RAPGEF5: variants seen among roughly 807,000 people sequenced by gnomAD.
RAPGEF5 encodes the protein M-Ras-regulated GEF.
Under a neutral mutation model 125.2 loss-of-function variants are expected in RAPGEF5, and 65 were observed. The ratio of observed to expected loss-of-function variants is 0.52; its 90% CI spans 0.43 to 0.64. The LOEUF is 0.64. Among genes scored for constraint, RAPGEF5 ranks in the 30% least tolerant of loss-of-function variants. The pLI is 0.00. For synonymous variants in RAPGEF5, 391 were observed against 385.9 expected, an observed-to-expected ratio of 1.01 and a Z score of -0.16; for missense variants, 958 against 1,048.1, an observed-to-expected ratio of 0.91 and a Z score of 1.19.
chr7:22,126,654 C>A (rs536968775), intron 24 of RAPGEF5, among the ~76,000 whole-genome samples: 3 of 152,268 alleles, frequency 2.0e-5, no homozygotes, highest in Non-Finnish European at 4.4e-5. Context: ...TGCTCTGTCA[C>A]CCAGGCTGGA....
rs1298453313 is a variant in RAPGEF5 at position 22,119,742 on chromosome 7, T to C, written c.*2664A>G. ...ATTTGCAGAGTGAGCGAAGATTTTA[T>C]GCAATAATAAAACTCCAAATGAGAG... On this transcript the variant is annotated 3_prime_UTR_variant, in exon 26 of 26. Coordinates refer to ENST00000665637, the MANE Select transcript of RAPGEF5 (RefSeq NM_012294.5). The surrounding 1 kb of genome is among the most constrained non-coding windows in gnomAD (Gnocchi z 4.1). 6.6e-6 allele frequency: 1 copy of C among 152,216 alleles called. No homozygotes were observed. The highest frequency in any genetic ancestry group is 2.4e-5 in the African/African-American group (1 of 41,452). 9.4% of individuals were successfully genotyped at this position (152,216 alleles called of 1,614,324 possible). A position where few individuals can be genotyped will look rare whatever the true frequency, so the allele number is the denominator to read the frequency against.
intron 1 of RAPGEF5, chr7:22,356,260 G>C (rs1784417661): frequency 1.0e-6 from 1 of 985,286 alleles, no homozygotes; most frequent in Non-Finnish European, 1.2e-6. Flanking sequence ...TCCTGCTCAA[G>C]AGGGTGTCCA....
rs552501343 is a variant in RAPGEF5 at position 22,265,678 on chromosome 7, A to G, written c.796+1286T>C. 5.8e-3 allele frequency among the ~76,000 whole-genome samples: 675 copies of G among 117,262 alleles called. 8 individuals are homozygous for G. The highest frequency in any genetic ancestry group is 0.023 in the African/African-American group (652 of 28,758). 76.9% of individuals were successfully genotyped at this position (117,262 alleles called of 152,430 possible). On this transcript the variant is annotated intron_variant, in intron 7 of 25. Coordinates refer to ENST00000665637, the MANE Select transcript of RAPGEF5 (RefSeq NM_012294.5). Reference sequence around the variant, plus strand: ...ACTGTTTCCCATAGTGGCTGTACTAATTTAACATTCCCACCAACAGTTTAT... The same window carrying G: ...ACTGTTTCCCATAGTGGCTGTACTAGTTTAACATTCCCACCAACAGTTTAT...
At chr7:22,136,197 T>C (rs1783075555) in intron 22 of RAPGEF5, 72 bp from the exon 23 acceptor site, 1 of 1,145,864 alleles carries the variant, frequency 8.7e-7, no homozygotes, top group Non-Finnish European at 1.3e-6. Context: ...AATCCACCTT[T>C]GCTACACAAT....
chr7:22,241,069 A>G (rs895163758), intron 7 of RAPGEF5, among the ~76,000 whole-genome samples: 1 of 152,294 alleles, frequency 6.6e-6, no homozygotes, highest in South Asian at 2.1e-4. Flanking sequence ...ACTGAACCTG[A>G]GTCTTTTGAT....
intron 6 of RAPGEF5, among the ~76,000 whole-genome samples, chr7:22,285,202 C>T (rs1211009595): frequency 6.6e-6 from 1 of 152,094 alleles, no homozygotes; most frequent in East Asian, 1.9e-4. Flanking sequence ...ATATTGCTAG[C>T]CTAGGAAAAA....
chr7:22,269,890 C>T (rs2528913), intron 6 of RAPGEF5, among the ~76,000 whole-genome samples: 34,225 of 151,998 alleles, frequency 0.23, 4,372 homozygotes, highest in African/African-American at 0.35. Flanking sequence ...CAACTCCTAA[C>T]ATGTGGGGGA....
intron 1 of RAPGEF5, among the ~76,000 whole-genome samples, chr7:22,324,711 C>A (rs929819515): frequency 6.6e-6 from 1 of 152,108 alleles, no homozygotes; most frequent in Non-Finnish European, 1.5e-5. Flanking sequence ...AAAGCTGCAC[C>A]GCCCCTCCAT....
rs114752558 is a variant in RAPGEF5, at chr7:22,314,779, G to T, written c.389+591C>A. The stretch of plus-strand genomic sequence containing the variant: ...TTACTTTTGGTTTTTTCTTTAAATT[G>T]TTCCATAAAATGAAAACATGCACAT... On this transcript the variant is annotated intron_variant, in intron 3 of 25. Coordinates refer to ENST00000665637, the MANE Select transcript of RAPGEF5 (RefSeq NM_012294.5). 2.1e-3 allele frequency: 677 copies of T among 322,170 alleles called. 6 individuals are homozygous for T. Among genetic ancestry groups the T allele is most frequent in the African/African-American group, 0.014 (630 of 44,488 alleles). 20.0% of individuals were successfully genotyped at this position (322,170 alleles called of 1,614,324 possible).
intron 24 of RAPGEF5, among the ~76,000 whole-genome samples, chr7:22,130,409 T>C (rs1270002287): frequency 2.0e-5 from 3 of 152,150 alleles, no homozygotes; most frequent in African/African-American, 7.2e-5. Flanking sequence ...CAGAAACATT[T>C]AGAGAGGATT....
At chr7:22,199,689 G>A (rs949407930) in intron 9 of RAPGEF5, among the ~76,000 whole-genome samples, 4 of 152,002 alleles carry the variant, frequency 2.6e-5, no homozygotes, top group African/African-American at 4.8e-5. Context: ...TGGAAGGTCC[G>A]AGAAAGAAGA....
chr7:22,236,443 T>C (rs569177183), intron 7 of RAPGEF5, among the ~76,000 whole-genome samples: 1 of 152,304 alleles, frequency 6.6e-6, no homozygotes, highest in Admixed American at 6.5e-5. Flanking sequence ...GAAAGAGTAA[T>C]TGATTTAATA....
intron 24 of RAPGEF5, 197 bp downstream of exon 24, chr7:22,130,837 CTTG>C (rs965581811): frequency 1.8e-5 from 12 of 670,702 alleles, no homozygotes; most frequent in South Asian, 9.6e-5. Context: ...TGCTAACATA[CTTG>C]TTGTTAATTG....
chr7:22,318,439 G>A (rs1461597853), intron 1 of RAPGEF5, among the ~76,000 whole-genome samples: 1 of 151,990 alleles, frequency 6.6e-6, no homozygotes, highest in African/African-American at 2.4e-5. Flanking sequence ...TGCTCTCTAG[G>A]TCACATCCCC....
chr7:22,231,269 A>ATT lies in RAPGEF5; in HGVS notation c.797-352_797-351dup, dbSNP rs548107366. 1.1e-4 allele frequency among the ~76,000 whole-genome samples: 16 copies of ATT among 150,974 alleles called. No individual in the cohort carries two copies. In the South Asian group the frequency reaches 2.5e-3, roughly 24 times the overall value. ...TCATTTCATATAAGAACAGCCATAT[A>ATT]TTTTTTTTAATGTGGCTTTCTGGCT... On this transcript the variant is annotated intron_variant, in intron 7 of 25. Transcript: ENST00000665637.
chr7:22,346,370 T>C (rs142518223), intron 1 of RAPGEF5, among the ~76,000 whole-genome samples: 1 of 152,210 alleles, frequency 6.6e-6, no homozygotes, highest in Non-Finnish European at 1.5e-5. Flanking sequence ...GTTATTATTA[T>C]ATCCTCTTCT....
intron 1 of RAPGEF5, among the ~76,000 whole-genome samples, chr7:22,338,049 T>C (rs1784057759): frequency 1.3e-5 from 2 of 152,356 alleles, no homozygotes; most frequent in East Asian, 1.9e-4. Context: ...AGTAGCATAA[T>C]TGCTCAGTAA....
At chr7:22,132,663 A>G (rs1782951135) in intron 23 of RAPGEF5, among the ~76,000 whole-genome samples, 2 of 152,260 alleles carry the variant, frequency 1.3e-5, no homozygotes, top group Non-Finnish European at 2.9e-5. Flanking sequence ...CAGATTCCAC[A>G]CAGCTTCTCA....
Position 22,150,404 on chromosome 7 carries a change from T to C in RAPGEF5, c.1884+3A>G, listed in dbSNP as rs774545131. On this transcript the variant is annotated splice_donor_region_variant and intron_variant, in intron 18 of 25. Coordinates refer to ENST00000665637, the MANE Select transcript of RAPGEF5 (RefSeq NM_012294.5). ...TTTCAAATACAAGGCTGAAGGTCCTTACCAAAGTGTCCGCCAGGTCTTTCC... is the reference window on the plus strand; with the variant it reads ...TTTCAAATACAAGGCTGAAGGTCCTCACCAAAGTGTCCGCCAGGTCTTTCC... 3.7e-6 allele frequency: 6 copies of C among 1,606,986 alleles called. No individual in the cohort carries two copies. The highest frequency in any genetic ancestry group is 1.1e-5 in the South Asian group (1 of 89,528).
Sources: allele counts gnomAD v4.1 joint callset (sites outside exome capture counted in the v4.1 genomes callset), GRCh38; gene constraint gnomAD v4.1.1; non-coding constraint Gnocchi (gnomAD v3.1); transcripts MANE v1.5; gene names NCBI Gene and HGNC (gene_info 2026-07-23, HGNC 2026-07-21).